Variants in SEC14L1 observed in about 807,000 individuals in gnomAD.
SEC14L1 encodes SEC14-like protein 1.
In SEC14L1, 48 loss-of-function variants were observed where a neutral mutation model predicts 85.3. The ratio of observed to expected loss-of-function variants is 0.56; its 90% confidence interval spans 0.45 to 0.72. The LOEUF is 0.72. SEC14L1 is among the 30% of genes least tolerant of loss of function. The pLI is 0.00. For missense variants in SEC14L1, 682 were observed against 921.4 expected, an observed-to-expected ratio of 0.74 and a Z score of 3.36; for synonymous variants, 391 against 355.5, an observed-to-expected ratio of 1.10 and a Z score of -1.12.
intron 3 of SEC14L1, among the ~76,000 whole-genome samples, chr17:77,152,249 G>A (rs1166480620): frequency 6.6e-6 from 1 of 151,956 alleles, no homozygotes; most frequent in African/African-American, 2.4e-5. Flanking sequence ...GAAATGGTCA[G>A]TGCTGGCTGG....
At chr17:77,173,612 A>G (rs962588521) in intron 3 of SEC14L1, among the ~76,000 whole-genome samples, 1 of 152,200 alleles carries the variant, frequency 6.6e-6, no homozygotes, top group African/African-American at 2.4e-5. Flanking sequence ...CACATACTCT[A>G]TTAAAAGTTG....
At chr17:77,151,615 C>G (rs1272056562) in intron 3 of SEC14L1, among the ~76,000 whole-genome samples, 1 of 152,128 alleles carries the variant, frequency 6.6e-6, no homozygotes, top group Non-Finnish European at 1.5e-5. Context: ...AAACAAACCC[C>G]AAAACCTTGT....
At chr17:77,188,399 G>GT (rs1238866451) in intron 3 of SEC14L1, among the ~76,000 whole-genome samples, 3 of 125,134 alleles carry the variant, frequency 2.4e-5, no homozygotes, top group Non-Finnish European at 4.9e-5. Context: ...CATACCGTAT[G>GT]TAACTGCTGA....
chr17:77,099,614 G>A (rs560044078), intron 3 of SEC14L1, among the ~76,000 whole-genome samples: 10 of 152,212 alleles, frequency 6.6e-5, no homozygotes, highest in Non-Finnish European at 1.0e-4. Context: ...AATATTACCC[G>A]GGTGTGGTGG....
chr17:77,120,723 G>A (rs535831870), intron 3 of SEC14L1, among the ~76,000 whole-genome samples: 5 of 152,148 alleles, frequency 3.3e-5, no homozygotes, highest in African/African-American at 9.6e-5. Context: ...GTGATCCACC[G>A]GTCTCGGCCT....
At chr17:77,154,629 T>C (rs574048115) in intron 3 of SEC14L1, among the ~76,000 whole-genome samples, 9 of 84,956 alleles carry the variant, frequency 1.1e-4, no homozygotes, top group Non-Finnish European at 2.5e-4. Context: ...CCCCTTCTGG[T>C]TTTTTTTGTT....
chr17:77,139,203 G>A (rs1972889714), upstream of SEC14L1, among the ~76,000 whole-genome samples: 2 of 143,084 alleles, frequency 1.4e-5, no homozygotes, highest in African/African-American at 2.6e-5. Context: ...TCTTGCTGGA[G>A]TCCAGCCCAG....
At chr17:77,139,635 C>G (rs920579915), upstream of SEC14L1, among the ~76,000 whole-genome samples, 3 of 151,536 alleles carry the variant, frequency 2.0e-5, no homozygotes, top group Non-Finnish European at 4.4e-5. Flanking sequence ...GTAGCTGGGA[C>G]TACAGGCGCC....
At chr17:77,201,634 A>G (rs1976153257) in intron 9 of SEC14L1, among the ~76,000 whole-genome samples, 1 of 152,002 alleles carries the variant, frequency 6.6e-6, no homozygotes, top group Non-Finnish European at 1.5e-5. Flanking sequence ...TATTTTTAGT[A>G]GAGATGGGGT....
chr17:77,216,383 AGTAGGTAGGGCTAGTAGGTAGGGTTC>A lies in SEC14L1; in HGVS notation c.*2371_*2396del, dbSNP rs879353807. On this transcript the variant is annotated 3_prime_UTR_variant, in exon 17 of 17. Coordinates refer to ENST00000436233, the MANE Select transcript of SEC14L1 (RefSeq NM_001143998.2). ...GTAGGTAGGGCTAGTAGGTAGGGCT[AGTAGGTAGGGCTAGTAGGTAGGGTTC>A]GTAGGTAGGGTTCGTAGGTAGGGTT... 92,039 of 1,311,208 alleles carry A rather than the reference AGTAGGTAGGGCTAGTAGGTAGGGTTC, an allele frequency of 0.07. 11,076 individuals are homozygous for A. The highest frequency in any genetic ancestry group is 0.14 in the South Asian group (8,984 of 63,274). 81.2% of individuals were successfully genotyped at this position (1,311,208 alleles called of 1,614,324 possible). A position where few individuals can be genotyped will look rare whatever the true frequency, so the allele number is the denominator to read the frequency against.
chr17:77,125,732 C>T (rs575517772), intron 3 of SEC14L1, among the ~76,000 whole-genome samples: 2 of 152,328 alleles, frequency 1.3e-5, no homozygotes, highest in Admixed American at 6.5e-5. Context: ...GCTGGAGGCC[C>T]CTGGCCATCC....
intron 3 of SEC14L1, among the ~76,000 whole-genome samples, chr17:77,110,877 C>CAA (rs1212651345): frequency 1.7e-3 from 79 of 46,376 alleles, no homozygotes; most frequent in East Asian, 3.0e-3. Flanking sequence ...GACTCTGTCT[C>CAA]AAAAAAAAAA....
At chr17:77,169,563 G>A (rs537021110) in intron 3 of SEC14L1, among the ~76,000 whole-genome samples, 2 of 152,318 alleles carry the variant, frequency 1.3e-5, no homozygotes, top group East Asian at 3.9e-4. Flanking sequence ...CCAGGCATTC[G>A]CATCTTGGTA....
intron 3 of SEC14L1, 109 bp downstream of exon 3, chr17:77,143,768 C>A: frequency 1.3e-6 from 1 of 774,778 alleles, no homozygotes; most frequent in Non-Finnish European, 2.2e-6. Context: ...ATCACTTGAA[C>A]TTACTCTGTT....
chr17:77,094,042 T>C (rs1352181519), intron 3 of SEC14L1: 2 of 152,370 alleles, frequency 1.3e-5, no homozygotes, highest in Non-Finnish European at 2.9e-5. Context: ...GCATTTTTTG[T>C]TTGTTTGTTT....
rs576497142 is a variant in SEC14L1 at position 77,123,282 on chromosome 17, C to T, written c.-135-19364C>T. On this transcript the variant is annotated intron_variant, in intron 3 of 19. Coordinates refer to the SEC14L1 transcript ENST00000392476. ...GCCAGGATGGTCTTGATCTCTTGAC[C>T]TCATGATCCACCTGCCTCGGCCTCC... Among the ~76,000 whole-genome samples the T allele has an allele frequency of 3.8e-4, 57 of 151,936 alleles. No individual in the cohort carries two copies. In the South Asian group the frequency reaches 0.011, roughly 31 times the overall value.
chr17:77,191,957 C>T (rs56316743), intron 5 of SEC14L1, among the ~76,000 whole-genome samples: 8,119 of 149,934 alleles, frequency 0.054, 320 homozygotes, highest in Admixed American at 0.12. Flanking sequence ...CCACCACGCC[C>T]GGCTAATTTT....
intron 3 of SEC14L1, among the ~76,000 whole-genome samples, chr17:77,121,859 C>A (rs1968624981): frequency 1.3e-5 from 2 of 152,222 alleles, no homozygotes; most frequent in Non-Finnish European, 2.9e-5. Context: ...ACGCTGCCTG[C>A]AGAAAAGAGT....
chr17:77,142,392 TG>T (rs1005212822), intron 1 of SEC14L1, among the ~76,000 whole-genome samples: 1 of 151,814 alleles, frequency 6.6e-6, no homozygotes, highest in Non-Finnish European at 1.5e-5. Context: ...CTGGGCAACA[TG>T]GGGAAACCTT....
Sources: allele counts gnomAD v4.1 joint callset (sites outside exome capture counted in the v4.1 genomes callset), GRCh38; gene constraint gnomAD v4.1.1; transcripts MANE v1.5; gene names NCBI Gene and HGNC (gene_info 2026-07-23, HGNC 2026-07-21).